ZNF451: variants seen among roughly 807,000 people sequenced by gnomAD.
The protein encoded by ZNF451 is zinc finger protein 451.
A neutral mutation model predicts 107.1 loss-of-function variants in ZNF451; 80 were observed. The observed-to-expected ratio is 0.75, with a 90% confidence interval of 0.62 to 0.90. The LOEUF is 0.90. Ranked by LOEUF, ZNF451 falls within the 40% of genes least tolerant of loss-of-function variation. The probability of loss-of-function intolerance (pLI) is 0.00; values close to 1 mark genes in which losing one functional copy is unlikely to be tolerated. For missense variants in ZNF451, 1,107 were observed against 1,236.2 expected, an observed-to-expected ratio of 0.90 and a Z score of 1.57; for synonymous variants, 362 against 406.5, an observed-to-expected ratio of 0.89 and a Z score of 1.32.
intron 3 of ZNF451, chr6:57,100,540 G>A (rs1230939236): frequency 1.4e-6 from 2 of 1,436,024 alleles, no homozygotes; most frequent in Non-Finnish European, 9.2e-7. Flanking sequence ...GCACTTGAAA[G>A]TTAACATATT....
chr6:57,145,427 T>C (rs1197348997), intron 9 of ZNF451, among the ~76,000 whole-genome samples: 1 of 152,186 alleles, frequency 6.6e-6, no homozygotes, highest in Non-Finnish European at 1.5e-5. Flanking sequence ...ACCCAATAGG[T>C]TATTTTCCAA....
intron 4 of ZNF451, among the ~76,000 whole-genome samples, chr6:57,128,399 C>A (rs1343736852): frequency 6.6e-6 from 1 of 151,964 alleles, no homozygotes; most frequent in Non-Finnish European, 1.5e-5. Flanking sequence ...AGTTTGGCGA[C>A]CTACTTGATA....
At chr6:57,152,836 T>TG (rs1832413435) in intron 12 of ZNF451, among the ~76,000 whole-genome samples, 1 of 152,136 alleles carries the variant, frequency 6.6e-6, no homozygotes, top group Non-Finnish European at 1.5e-5. Flanking sequence ...TCAAGTGATC[T>TG]GCCCGCCTAG....
At chr6:57,126,515 T>C (rs928766444) in intron 4 of ZNF451, 1 of 152,194 alleles carries the variant, frequency 6.6e-6, no homozygotes, top group Admixed American at 6.5e-5. Flanking sequence ...ATAGAAAATG[T>C]CTTTCAACTA....
At chr6:57,125,919 C>T (rs1174190453) in intron 4 of ZNF451, among the ~76,000 whole-genome samples, 3 of 151,910 alleles carry the variant, frequency 2.0e-5, no homozygotes, top group Non-Finnish European at 4.4e-5. Context: ...TAAGGAAGTT[C>T]CCCACCCCCC....
intron 3 of ZNF451, 68 bp from the exon 4 acceptor site, chr6:57,124,666 A>G (rs1830834434): frequency 6.1e-6 from 7 of 1,154,490 alleles, no homozygotes; most frequent in African/African-American, 1.5e-5. Flanking sequence ...TAGCTGTTTT[A>G]TGAATGGATG....
At chr6:57,115,266 A>G (rs75875976) in intron 3 of ZNF451, 1 of 151,332 alleles carries the variant, frequency 6.6e-6, no homozygotes, top group Non-Finnish European at 1.5e-5. Flanking sequence ...ATCCTGTCAG[A>G]AAAAAAAAGT....
chr6:57,167,378 A>C (rs1482282743), intron 14 of ZNF451, among the ~76,000 whole-genome samples: 1 of 152,102 alleles, frequency 6.6e-6, no homozygotes, highest in Non-Finnish European at 1.5e-5. Context: ...TAGTTACTGT[A>C]ACTTTATAAT....
At chr6:57,126,745 A>T (rs1830947660) in intron 4 of ZNF451, 1 of 152,160 alleles carries the variant, frequency 6.6e-6, no homozygotes, top group Non-Finnish European at 1.5e-5. Context: ...ACATGGTGAA[A>T]CCCCGTCTGT....
At chr6:57,097,393 A>G (rs988488105) in intron 2 of ZNF451, among the ~76,000 whole-genome samples, 5 of 152,214 alleles carry the variant, frequency 3.3e-5, no homozygotes, top group Admixed American at 6.5e-5. Context: ...CCAGCAGTCA[A>G]CTTTCTACAT....
At chr6:57,126,436 T>C (rs974079961) in intron 4 of ZNF451, 5 of 152,068 alleles carry the variant, frequency 3.3e-5, no homozygotes, top group Admixed American at 6.6e-5. Flanking sequence ...AAGGAAGATA[T>C]TGAAACTGAA....
intron 3 of ZNF451, among the ~76,000 whole-genome samples, chr6:57,110,331 C>G (rs1424939680): frequency 6.6e-6 from 1 of 152,152 alleles, no homozygotes; most frequent in Non-Finnish European, 1.5e-5. Context: ...GTTTGTACAG[C>G]CATTACTTGT....
intron 3 of ZNF451, among the ~76,000 whole-genome samples, chr6:57,110,611 C>T (rs945682299): frequency 6.6e-6 from 1 of 152,046 alleles, no homozygotes; most frequent in Admixed American, 6.5e-5. Flanking sequence ...GGAAAGGTGT[C>T]CTCAGGGTAG....
At chr6:57,096,346 G>A (rs1401705953) in intron 2 of ZNF451, among the ~76,000 whole-genome samples, 2 of 151,108 alleles carry the variant, frequency 1.3e-5, no homozygotes. Context: ...CACCATGCCT[G>A]GCTAATTTTT....
chr6:57,106,436 A>T, intron 3 of ZNF451: 1 of 575,694 alleles, frequency 1.7e-6, no homozygotes, highest in Non-Finnish European at 2.2e-6. Context: ...CCTCCCGAGT[A>T]GCTGGGATTA....
Position 57,124,747 on chromosome 6 carries a change from G to T in ZNF451, c.200G>T (p.Arg67Leu), listed in dbSNP as rs146617736. Residue 67 changes from arginine (R) to leucine (L), a missense_variant, in exon 4 of 15, where the codon CGT becomes CTT. Arg to Leu is a moderately radical substitution (Grantham distance 102). Coordinates refer to ENST00000370706, the MANE Select transcript of ZNF451 (RefSeq NM_001031623.3). ...STSYTDENIKRKDHIDYQKDK... is the reference protein window; with the variant it reads ...STSYTDENIKLKDHIDYQKDK... Reference sequence around the variant, plus strand: ...TTCATGTTATAGGAGAATATTAAACGTAAAGACCATATTGATTATCAGAAG... The same window carrying T: ...TTCATGTTATAGGAGAATATTAAACTTAAAGACCATATTGATTATCAGAAG... 1.9e-6 allele frequency: 3 copies of T among 1,589,296 alleles called. No individual in the cohort carries two copies. The highest frequency in any genetic ancestry group is 2.6e-6 in the Non-Finnish European group (3 of 1,159,282).
chr6:57,134,984 CAAA>C, intron 7 of ZNF451, 114 bp downstream of exon 7: 2 of 830,392 alleles, frequency 2.4e-6, no homozygotes, highest in Non-Finnish European at 3.6e-6. Flanking sequence ...ACATAAGTAT[CAAA>C]ACTGTAATTG....
At chr6:57,108,131 G>A in intron 3 of ZNF451, 1 of 985,266 alleles carries the variant, frequency 1.0e-6, no homozygotes. Flanking sequence ...GAGCCACAGT[G>A]CCCGGCCTGT....
In ZNF451 at chr6:57,148,717, A is replaced by G. The variant is rs369613508; in HGVS notation, c.2608+24A>G. ...AGGTATGGCTTTATAGCTCTATGCA[A>G]ATTTCATATACTGATATTGAAACTT... On this transcript the variant is annotated intron_variant, in intron 10 of 14. Coordinates refer to ENST00000370706, the MANE Select transcript of ZNF451 (RefSeq NM_001031623.3). 4.0e-5 allele frequency: 62 copies of G among 1,546,032 alleles called. No individual in the cohort carries two copies. In the Middle Eastern group the frequency reaches 6.0e-4, roughly 15 times the overall value.
Sources: gnomAD v4.1 joint callset for allele counts (sites outside exome capture counted in the v4.1 genomes callset) on GRCh38, gnomAD v4.1.1 for gene constraint, MANE v1.5 for transcripts, NCBI Gene and HGNC (gene_info 2026-07-23, HGNC 2026-07-21) for gene names.